PFKP: variants seen among roughly 807,000 people sequenced by gnomAD.
The protein encoded by PFKP is ATP-dependent 6-phosphofructokinase, platelet type.
A neutral mutation model predicts 94.3 loss-of-function variants in PFKP; 101 were observed. The ratio of observed to expected loss-of-function variants is 1.07; its 90% CI spans 0.91 to 1.26. PFKP has a LOEUF of 1.26. PFKP is among the 50% of genes most tolerant of loss of function. The pLI is 0.00. For synonymous variants in PFKP, 573 were observed against 432.6 expected (o/e 1.32, Z -4.03); for missense variants, 1,145 against 1,103.3 (o/e 1.04, Z -0.53).
chr10:3,108,444 C>T (rs994425138), intron 8 of PFKP, among the ~76,000 whole-genome samples: 2 of 152,096 alleles, frequency 1.3e-5, no homozygotes, highest in African/African-American at 2.4e-5. Flanking sequence ...AAGCAACGAA[C>T]ATATTACTTG....
chr10:3,068,580 G>A (rs964855958), intron 1 of PFKP: 1 of 754,176 alleles, frequency 1.3e-6, no homozygotes, highest in African/African-American at 1.9e-5. Flanking sequence ...CTGCTCTCTA[G>A]GAGGGGCCCG....
At chr10:3,120,581 G>T (rs547070437) in intron 16 of PFKP, among the ~76,000 whole-genome samples, 1 of 152,292 alleles carries the variant, frequency 6.6e-6, no homozygotes, top group Admixed American at 6.5e-5. Context: ...AACTGGGGAT[G>T]TTAAATTACC....
intron 2 of PFKP, among the ~76,000 whole-genome samples, chr10:3,090,178 A>G (rs552329615): frequency 1.1e-4 from 16 of 152,344 alleles, no homozygotes; most frequent in African/African-American, 3.4e-4. Context: ...TATATACGCA[A>G]TGGAATATTT....
At chr10:3,093,430 G>A (rs1384274681) in intron 2 of PFKP, among the ~76,000 whole-genome samples, 2 of 152,092 alleles carry the variant, frequency 1.3e-5, no homozygotes, top group Non-Finnish European at 2.9e-5. Flanking sequence ...AGTTTCTTAC[G>A]TGTAGCTGTT....
chr10:3,085,153 A>G (rs1233380000), intron 2 of PFKP, among the ~76,000 whole-genome samples: 1 of 3,704 alleles, frequency 2.7e-4, no homozygotes, highest in East Asian at 5.1e-3. Context: ...TCCCCAGCAC[A>G]GTCCCCCACT....
chr10:3,135,679 TC>T lies in PFKP; in HGVS notation c.2123-52del, dbSNP rs1839182323. ...TTCTCATCTCGCCCCGTGATTCTGC[TC>T]CCCCACCTGCCCATGTTGACAGGGT... On this transcript the variant is annotated intron_variant, in intron 20 of 21. Transcript: ENST00000381125. The T allele has an allele frequency of 2.8e-6, 3 of 1,053,546 alleles. No individual in the cohort carries two copies. The South Asian group carries it at 3.9e-5, about 14-fold the overall frequency. 65.3% of individuals were successfully genotyped at this position (1,053,546 alleles called of 1,614,324 possible). A position where few individuals can be genotyped will look rare whatever the true frequency, so the allele number is the denominator to read the frequency against.
At chr10:3,096,653 G>GCC (rs57644735) in intron 2 of PFKP, among the ~76,000 whole-genome samples, 55,122 of 149,610 alleles carry the variant, frequency 0.37, 10,149 homozygotes, top group Middle Eastern at 0.43. Context: ...TTGTTTCCTT[G>GCC]CCCCCCCGAG....
chr10:3,087,399 C>A lies in PFKP; in HGVS notation c.186+4938C>A, dbSNP rs371646458. ...ACGAGGTCTGGACAACCTTGTCTGGCGGGGACAGCGCCTCTTCCTGCCCCT... is the reference window on the plus strand; with the variant it reads ...ACGAGGTCTGGACAACCTTGTCTGGAGGGGACAGCGCCTCTTCCTGCCCCT... On this transcript the variant is annotated intron_variant, in intron 2 of 21. Coordinates refer to ENST00000381125, the MANE Select transcript of PFKP (RefSeq NM_002627.5). Among the ~76,000 whole-genome samples, 3 of 152,160 alleles carry A rather than the reference C, an allele frequency of 2.0e-5. No homozygotes were observed. In the East Asian group the frequency reaches 5.8e-4, roughly 29 times the overall value.
At chr10:3,082,578 A>T (rs553947883) in intron 2 of PFKP, 117 bp downstream of exon 2, 1 of 604,120 alleles carries the variant, frequency 1.7e-6, no homozygotes, top group South Asian at 3.7e-5. Flanking sequence ...AGAGGTGGGC[A>T]GGGGAGCAAG....
rs371129323 is a variant in PFKP at position 3,067,816 on chromosome 10, G to A, written c.112+109G>A. 1.7e-4 allele frequency: 82 copies of A among 469,462 alleles called. No homozygotes were observed. The Middle Eastern group carries it at 2.9e-3, about 17-fold the overall frequency. The allele number at this position is 469,462 out of a possible 1,614,324, so 29.1% of individuals were successfully genotyped here. A position where few individuals can be genotyped will look rare whatever the true frequency, so the allele number is the denominator to read the frequency against. On this transcript the variant is annotated intron_variant, in intron 1 of 21. Coordinates refer to ENST00000381125, the MANE Select transcript of PFKP (RefSeq NM_002627.5). ...GAGAAGAGGGGGGAAGCGATGGGGG[G>A]GACCCGGGGAAAGGTGGCGAAGCGA...
intron 5 of PFKP, 92 bp from the exon 6 acceptor site, chr10:3,105,023 G>A (rs866465578): frequency 8.1e-7 from 1 of 1,232,238 alleles, no homozygotes; most frequent in Non-Finnish European, 1.2e-6. Flanking sequence ...CCTTTTCTCT[G>A]CTTTCTGAGC....
intron 6 of PFKP, 82 bp downstream of exon 6, chr10:3,105,241 C>T (rs1835418636): frequency 1.1e-5 from 16 of 1,403,218 alleles, no homozygotes; most frequent in Non-Finnish European, 1.6e-5. Context: ...CACCCCACAT[C>T]CTGAATGCTC....
At chr10:3,124,456 C>G (rs1252782828) in intron 16 of PFKP, among the ~76,000 whole-genome samples, 2 of 152,218 alleles carry the variant, frequency 1.3e-5, no homozygotes, top group Non-Finnish European at 2.9e-5. Context: ...CAGTGGAACC[C>G]CAGAGCAGCA....
intron 12 of PFKP, 76 bp from the exon 13 acceptor site, chr10:3,113,296 G>A (rs1836444953): frequency 7.6e-6 from 12 of 1,575,238 alleles, no homozygotes; most frequent in Non-Finnish European, 8.7e-6. Flanking sequence ...CACGGCATGA[G>A]CCACTGCCAA....
intron 13 of PFKP, 41 bp from the exon 14 acceptor site, chr10:3,116,735 A>G: frequency 1.3e-6 from 2 of 1,497,964 alleles, no homozygotes; most frequent in Non-Finnish European, 1.9e-6. Flanking sequence ...CTTGCCTTTC[A>G]TTGTTCACTT....
rs547880338 is a variant in PFKP at position 3,081,977 on chromosome 10, C to CTTTTTTTTTTTTTT, written c.113-392_113-379dup. Among the ~76,000 whole-genome samples, 128 of 68,426 alleles carry CTTTTTTTTTTTTTT rather than the reference C, an allele frequency of 1.9e-3. 6 individuals carry two copies. The highest frequency in any genetic ancestry group is 4.6e-3 in the South Asian group (7 of 1,506). The allele number at this position is 68,426 out of a possible 152,430, so 44.9% of individuals were successfully genotyped here. A position where few individuals can be genotyped will look rare whatever the true frequency, so the allele number is the denominator to read the frequency against. On this transcript the variant is annotated intron_variant, in intron 1 of 21. Transcript: ENST00000381125. Reference sequence around the variant, plus strand: ...CTTGTTTTCTGTTGAAGCCCATTGCCTTTTTTTTTTTTTTTTTTTTTTTTT... The same window carrying CTTTTTTTTTTTTTT: ...CTTGTTTTCTGTTGAAGCCCATTGCCTTTTTTTTTTTTTTTTTTTTTTTTTTTTTTTTTTTTTTT...
At chr10:3,079,048 TGG>T (rs1832814763) in intron 1 of PFKP, among the ~76,000 whole-genome samples, 1 of 152,046 alleles carries the variant, frequency 6.6e-6, no homozygotes, top group African/African-American at 2.4e-5. Flanking sequence ...CCCAGCTACA[TGG>T]GGGTGCTGCG....
At chr10:3,101,919 C>A (rs1234869734) in intron 4 of PFKP, among the ~76,000 whole-genome samples, 3 of 152,194 alleles carry the variant, frequency 2.0e-5, no homozygotes, top group Non-Finnish European at 4.4e-5. Context: ...CGCCTTTCAG[C>A]CCTCACACTG....
chr10:3,095,237 C>T (rs1834382175), intron 2 of PFKP, among the ~76,000 whole-genome samples: 1 of 151,974 alleles, frequency 6.6e-6, no homozygotes, highest in African/African-American at 2.4e-5. Flanking sequence ...GAAAGCCACC[C>T]ATAGGTGAAC....
Sources: allele counts gnomAD v4.1 joint callset (sites outside exome capture counted in the v4.1 genomes callset), GRCh38; gene constraint gnomAD v4.1.1; transcripts MANE v1.5; gene names NCBI Gene and HGNC (gene_info 2026-07-23, HGNC 2026-07-21).